The following RAB11FIP4 variants were observed in gnomAD, a reference collection of about 807,000 sequenced individuals.
The protein encoded by RAB11FIP4 is rab11 family-interacting protein 4.
A neutral mutation model predicts 74.3 loss-of-function variants in RAB11FIP4; 23 were observed. The ratio of observed to expected loss-of-function variants is 0.31; its 90% CI spans 0.22 to 0.44. RAB11FIP4 has a LOEUF of 0.44. Ranked by LOEUF, RAB11FIP4 falls within the 20% of genes least tolerant of loss-of-function variation. RAB11FIP4 has a pLI of 1.00. For missense variants in RAB11FIP4, 630 were observed against 863.9 expected (o/e 0.73, Z 3.39); for synonymous variants, 360 against 359.9 (o/e 1.00, Z 0.00).
Position 31,434,749 on chromosome 17 carries a change from A to G in RAB11FIP4, c.336+627A>G, listed in dbSNP as rs145652649. On this transcript the variant is annotated intron_variant, in intron 3 of 14. Transcript: ENST00000621161. ...TGATCAGTGTATTACAAAGGATACA[A>G]CTCAGGATTAGCCACACGGAAGAGA... Among the ~76,000 whole-genome samples, 474 of 152,302 alleles carry G rather than the reference A, an allele frequency of 3.1e-3. 1 individual carries two copies. The highest frequency in any genetic ancestry group is 0.011 in the African/African-American group (443 of 41,578).
intron 3 of RAB11FIP4, among the ~76,000 whole-genome samples, chr17:31,475,370 G>C (rs1304565852): frequency 6.6e-6 from 1 of 152,144 alleles, no homozygotes; most frequent in Admixed American, 6.5e-5. Flanking sequence ...TCATTCACTG[G>C]AAAAAGCACA....
chr17:31,479,821 C>T (rs948487772), intron 3 of RAB11FIP4, among the ~76,000 whole-genome samples: 7 of 152,274 alleles, frequency 4.6e-5, no homozygotes, highest in Non-Finnish European at 7.3e-5. Flanking sequence ...GTCCATCTGC[C>T]GTTAGCAAGC....
chr17:31,504,862 A>G (rs1383174999), intron 3 of RAB11FIP4, among the ~76,000 whole-genome samples: 2 of 152,318 alleles, frequency 1.3e-5, no homozygotes, highest in East Asian at 3.9e-4. Context: ...AGTGGTTTGC[A>G]AAGTGTGGTC....
rs1012653899 is a variant in RAB11FIP4, at chr17:31,532,586, T to C, written c.*854T>C. ...ATCGGGCAACCAAAGAAATGAGTTT[T>C]GGGGAGGAACACAACTCCCATCCCA... On this transcript the variant is annotated 3_prime_UTR_variant, in exon 15 of 15. Coordinates refer to ENST00000621161, the MANE Select transcript of RAB11FIP4 (RefSeq NM_032932.6). 1 of 152,450 alleles carries C rather than the reference T, an allele frequency of 6.6e-6. No individual in the cohort carries two copies. Among genetic ancestry groups the C allele is most frequent in the African/African-American group, 2.4e-5 (1 of 41,452 alleles). The allele number at this position is 152,450 out of a possible 1,614,324, so 9.4% of individuals were successfully genotyped here.
In RAB11FIP4 at chr17:31,528,547, G is replaced by C; in HGVS notation, c.1494+4G>C. On this transcript the variant is annotated splice_donor_region_variant and intron_variant, in intron 12 of 14. Transcript: ENST00000621161. ...GGAGCGGGAGGCGACGCAGGAGGTA[G>C]GTCCCAGGCCAGCAGGCACCAGGGC... 6.2e-7 allele frequency: 1 copy of C among 1,613,762 alleles called. No individual in the cohort carries two copies. The highest frequency in any genetic ancestry group is 8.5e-7 in the Non-Finnish European group (1 of 1,179,982).
chr17:31,401,581 C>G (rs2070986139), intron 1 of RAB11FIP4, among the ~76,000 whole-genome samples: 1 of 152,260 alleles, frequency 6.6e-6, no homozygotes, highest in Admixed American at 6.5e-5. Context: ...CCAACACACA[C>G]TGCAGTTGCT....
intron 3 of RAB11FIP4, among the ~76,000 whole-genome samples, chr17:31,477,027 C>T (rs2071800623): frequency 6.6e-6 from 1 of 152,246 alleles, no homozygotes; most frequent in Admixed American, 6.5e-5. Context: ...CCAGCCCCAC[C>T]ACCTTCTCCA....
chr17:31,536,032 G>A lies in RAB11FIP4; in HGVS notation c.*4300G>A, dbSNP rs2072953511. 7.8e-6 allele frequency: 1 copy of A among 128,492 alleles called. No individual in the cohort carries two copies. Among genetic ancestry groups the A allele is most frequent in the Non-Finnish European group, 1.7e-5 (1 of 59,756 alleles). 8.0% of individuals were successfully genotyped at this position (128,492 alleles called of 1,614,324 possible). On this transcript the variant is annotated 3_prime_UTR_variant, in exon 15 of 15. Transcript: ENST00000621161. The stretch of plus-strand genomic sequence containing the variant: ...TAGTCCACTGGTGCTGGTGTTCAGG[G>A]GAGTTGGGGGGGGGGGGCGCGGGGA...
At chr17:31,464,220 C>G (rs2071662162) in intron 3 of RAB11FIP4, among the ~76,000 whole-genome samples, 1 of 151,120 alleles carries the variant, frequency 6.6e-6, no homozygotes, top group East Asian at 2.0e-4. Context: ...GTGTGGGGGA[C>G]CCCCCCAGCT....
At chr17:31,468,773 T>G (rs1273492927) in intron 3 of RAB11FIP4, among the ~76,000 whole-genome samples, 1 of 151,758 alleles carries the variant, frequency 6.6e-6, no homozygotes, top group Non-Finnish European at 1.5e-5. Context: ...GAGGTTGCAG[T>G]GAGCCAAGAT....
intron 3 of RAB11FIP4, among the ~76,000 whole-genome samples, chr17:31,498,160 A>G (rs1009905268): frequency 3.9e-5 from 6 of 152,158 alleles, no homozygotes; most frequent in South Asian, 2.1e-4. Context: ...GGGGTTCCCA[A>G]TGGACTCCCT....
At chr17:31,484,363 G>C (rs7219656) in intron 3 of RAB11FIP4, among the ~76,000 whole-genome samples, 2,134 of 151,510 alleles carry the variant, frequency 0.014, 44 homozygotes, top group African/African-American at 0.047. Context: ...GAGCCACTGC[G>C]CCGGGCCTGA....
At chr17:31,472,921 T>C (rs1207902223) in intron 3 of RAB11FIP4, among the ~76,000 whole-genome samples, 1 of 151,964 alleles carries the variant, frequency 6.6e-6, no homozygotes, top group Non-Finnish European at 1.5e-5. Flanking sequence ...TAGACCCAGC[T>C]ACTCAGGAGG....
At chr17:31,441,543 T>TTTAC (rs1040185677) in intron 3 of RAB11FIP4, among the ~76,000 whole-genome samples, 1 of 151,920 alleles carries the variant, frequency 6.6e-6, no homozygotes, top group Admixed American at 6.6e-5. Flanking sequence ...TATTTATTTA[T>TTTAC]TGAAACAGGG....
intron 3 of RAB11FIP4, among the ~76,000 whole-genome samples, chr17:31,455,599 T>G (rs1458168269): frequency 1.3e-5 from 2 of 152,198 alleles, no homozygotes; most frequent in South Asian, 2.1e-4. Context: ...GGTACCTCAC[T>G]GTACCTACTC....
chr17:31,440,396 G>A (rs1449160064), intron 3 of RAB11FIP4, among the ~76,000 whole-genome samples: 1 of 152,158 alleles, frequency 6.6e-6, no homozygotes, highest in African/African-American at 2.4e-5. Context: ...CTACTTTTAA[G>A]CCAAAACCAT....
At chr17:31,499,440 C>T (rs1181149600) in intron 3 of RAB11FIP4, among the ~76,000 whole-genome samples, 2 of 152,130 alleles carry the variant, frequency 1.3e-5, no homozygotes, top group Non-Finnish European at 2.9e-5. Context: ...ACTGCAACCT[C>T]CTACTCCCTG....
At chr17:31,514,815 G>A (rs532304181) in intron 3 of RAB11FIP4, among the ~76,000 whole-genome samples, 2 of 152,350 alleles carry the variant, frequency 1.3e-5, no homozygotes, top group Admixed American at 6.5e-5. Context: ...CTGTGAGGGC[G>A]TTAAGTGGAT....
intron 12 of RAB11FIP4, 28 bp downstream of exon 12, chr17:31,528,571 G>A: frequency 6.2e-7 from 1 of 1,613,470 alleles, no homozygotes; most frequent in Non-Finnish European, 8.5e-7. Context: ...AGGCACCAGG[G>A]CTCCTTCCAG....
Sources: gnomAD v4.1 joint callset for allele counts (sites outside exome capture counted in the v4.1 genomes callset) on GRCh38, gnomAD v4.1.1 for gene constraint, MANE v1.5 for transcripts, NCBI Gene and HGNC (gene_info 2026-07-23, HGNC 2026-07-21) for gene names.